The following KIAA0513 variants were observed in gnomAD, a reference collection of about 807,000 sequenced individuals.
KIAA0513 encodes the protein KIAA0513.
KIAA0513 carries 39 observed loss-of-function variants against 56.5 expected under a neutral mutation model. That is an observed-to-expected ratio of 0.69 (90% CI 0.53 to 0.90). The LOEUF (loss-of-function observed/expected upper bound fraction) is 0.90. Ranked by LOEUF, KIAA0513 falls within the 40% of genes least tolerant of loss-of-function variation. The pLI is 0.00. For missense variants in KIAA0513, 591 were observed against 535.2 expected, an observed-to-expected ratio of 1.10 and a Z score of -1.03; for synonymous variants, 268 against 215.6, an observed-to-expected ratio of 1.24 and a Z score of -2.13.
rs1401084043 is a variant in KIAA0513 at position 85,088,939 on chromosome 16, G to C, written c.*614G>C. 1 of 152,622 alleles carries C rather than the reference G, an allele frequency of 6.6e-6. No individual in the cohort carries two copies. The highest frequency in any genetic ancestry group is 1.5e-5 in the Non-Finnish European group (1 of 68,368). The allele number at this position is 152,622 out of a possible 1,614,324, so 9.5% of individuals were successfully genotyped here. A position where few individuals can be genotyped will look rare whatever the true frequency, so the allele number is the denominator to read the frequency against. On this transcript the variant is annotated 3_prime_UTR_variant, in exon 13 of 13. Coordinates refer to ENST00000683363, the MANE Select transcript of KIAA0513 (RefSeq NM_001388359.1). ...AGGGAGAGAGTGGGTGCGGTGTAGA[G>C]GATGCTCTTGGCCGGCTGGAGCAAG...
intron 2 of KIAA0513, among the ~76,000 whole-genome samples, chr16:85,067,918 C>T (rs994355781): frequency 2.0e-4 from 30 of 151,080 alleles, no homozygotes; most frequent in African/African-American, 6.8e-4. Flanking sequence ...TTAAGTGATT[C>T]TTCTGTCTCA....
intron 6 of KIAA0513, among the ~76,000 whole-genome samples, chr16:85,078,007 G>A (rs992388988): frequency 2.0e-5 from 3 of 152,160 alleles, no homozygotes; most frequent in African/African-American, 7.2e-5. Context: ...CCCCAGGAGA[G>A]CAGGGCTCTG....
At chr16:85,087,384 T>C (rs367714985) in intron 12 of KIAA0513, among the ~76,000 whole-genome samples, 1 of 152,268 alleles carries the variant, frequency 6.6e-6, no homozygotes, top group South Asian at 2.1e-4. Context: ...TTCTGCTAGA[T>C]GGGATTGCGG....
intron 10 of KIAA0513, among the ~76,000 whole-genome samples, 189 bp downstream of exon 10, chr16:85,082,782 C>T (rs1371929842): frequency 2.0e-5 from 3 of 152,192 alleles, no homozygotes; most frequent in South Asian, 2.1e-4. Flanking sequence ...GCTGGCAATG[C>T]GTCCCAGAAC....
intron 2 of KIAA0513, among the ~76,000 whole-genome samples, chr16:85,068,100 C>A (rs772801675): frequency 6.6e-6 from 1 of 152,052 alleles, no homozygotes; most frequent in African/African-American, 2.4e-5. Context: ...CGTTAGCCAC[C>A]GTACCCGGCT....
chr16:85,078,872 A>G, intron 7 of KIAA0513, 53 bp from the exon 8 acceptor site: 1 of 1,599,938 alleles, frequency 6.3e-7, no homozygotes, highest in Non-Finnish European at 8.6e-7. Flanking sequence ...GGGGTTTGCC[A>G]ACAGTGGGTG....
rs1020864150 is a variant in KIAA0513, at chr16:85,082,000, C to A, written c.981-564C>A. Among the ~76,000 whole-genome samples the A allele has an allele frequency of 1.3e-5, 2 of 152,232 alleles. No homozygotes were observed. Among genetic ancestry groups the A allele is most frequent in the Non-Finnish European group, 2.9e-5 (2 of 68,036 alleles). On this transcript the variant is annotated intron_variant, in intron 9 of 12. Transcript: ENST00000683363. The surrounding 1 kb of genome is among the most constrained non-coding windows in gnomAD (Gnocchi z 4.4). ...GAGGGACGGCAGCCCCTGGGGGAGC[C>A]CCTTCCAGTCATGTGACTGAAGTCT...
At chr16:85,058,728 C>G (rs72803600) in intron 1 of KIAA0513, among the ~76,000 whole-genome samples, 5,734 of 152,096 alleles carry the variant, frequency 0.038, 121 homozygotes, top group Non-Finnish European at 0.053. Context: ...TTCAACATCT[C>G]TTTACCTTTT....
chr16:85,067,177 G>A lies in KIAA0513; in HGVS notation c.106G>A (p.Gly36Ser), dbSNP rs1454322331. The change falls in exon 2 of 13, where the codon GGC (glycine) becomes AGC (serine). Residue 36 changes from glycine to serine, a missense_variant. By Grantham distance (56) the Gly-to-Ser change is moderately conservative. Coordinates refer to ENST00000683363, the MANE Select transcript of KIAA0513 (RefSeq NM_001388359.1). Reference sequence around the variant, plus strand: ...ACCCCCTGTGCTGCAGGACGGCGATGGCTCCCTGGGGGACGGTGCATCAGA... The same window carrying A: ...ACCCCCTGTGCTGCAGGACGGCGATAGCTCCCTGGGGGACGGTGCATCAGA... ...APPPVLQDGD[G>S]SLGDGASESE... The A allele has an allele frequency of 1.9e-6, 3 of 1,614,148 alleles. No individual in the cohort carries two copies. Among genetic ancestry groups the A allele is most frequent in the Non-Finnish European group, 1.7e-6 (2 of 1,180,020 alleles).
intron 12 of KIAA0513, among the ~76,000 whole-genome samples, chr16:85,087,562 A>G (rs1347194231): frequency 6.6e-6 from 1 of 152,156 alleles, no homozygotes; most frequent in African/African-American, 2.4e-5. Flanking sequence ...CATCATGAGT[A>G]TCGGGGGACA....
intron 2 of KIAA0513, among the ~76,000 whole-genome samples, chr16:85,068,500 T>G (rs1406548015): frequency 6.6e-6 from 1 of 151,532 alleles, no homozygotes; most frequent in African/African-American, 2.4e-5. Context: ...ACCCGGCTAG[T>G]TTTTTGTATT....
Position 85,081,038 on chromosome 16 carries a change from C to A in KIAA0513, c.903-277C>A, listed in dbSNP as rs2073736503. 1.3e-5 allele frequency among the ~76,000 whole-genome samples: 2 copies of A among 152,208 alleles called. No homozygotes were observed. The highest frequency in any genetic ancestry group is 4.1e-4 in the South Asian group (2 of 4,834). ...GTGGCTTCAACTTTGCCCGCCAGTGCCCTCCTGCCTGCAGCGCAGCCCGGG... is the reference window on the plus strand; with the variant it reads ...GTGGCTTCAACTTTGCCCGCCAGTGACCTCCTGCCTGCAGCGCAGCCCGGG... On this transcript the variant is annotated intron_variant, in intron 8 of 12. Transcript: ENST00000683363. This position sits in a 1 kb window ranked among gnomAD's most constrained non-coding sequence, Gnocchi z 4.4.
intron 1 of KIAA0513, among the ~76,000 whole-genome samples, chr16:85,036,498 CT>C (rs1201920031): frequency 1.3e-5 from 2 of 152,116 alleles, no homozygotes; most frequent in African/African-American, 2.4e-5. Flanking sequence ...TCCTTTGTTC[CT>C]TTTTAGTGTG....
At chr16:85,047,838 A>G (rs1016350146) in intron 1 of KIAA0513, among the ~76,000 whole-genome samples, 1 of 152,178 alleles carries the variant, frequency 6.6e-6, no homozygotes. Context: ...GGGACATGGC[A>G]AACTCACCGC....
intron 1 of KIAA0513, among the ~76,000 whole-genome samples, chr16:85,029,844 C>G (rs1301764271): frequency 6.6e-6 from 1 of 152,190 alleles, no homozygotes. Flanking sequence ...CTTGGCTGAT[C>G]TTCATTATAA....
intron 1 of KIAA0513, among the ~76,000 whole-genome samples, chr16:85,055,848 G>C (rs1199832061): frequency 6.6e-6 from 1 of 152,208 alleles, no homozygotes; most frequent in Admixed American, 6.5e-5. Flanking sequence ...TCATCAGTGT[G>C]ACAGCCGAGT....
intron 1 of KIAA0513, among the ~76,000 whole-genome samples, chr16:85,029,828 C>G (rs1360855876): frequency 6.6e-6 from 1 of 152,222 alleles, no homozygotes; most frequent in East Asian, 1.9e-4. Flanking sequence ...TTTTCCCATG[C>G]AGACTCTTGG....
At chr16:85,085,031 C>G (rs1479645758) in intron 10 of KIAA0513, among the ~76,000 whole-genome samples, 2 of 152,238 alleles carry the variant, frequency 1.3e-5, no homozygotes, top group Non-Finnish European at 2.9e-5. Flanking sequence ...GGGGTCAGGG[C>G]TGCTGTGCTG....
At chr16:85,082,701 C>T (rs939596956) in intron 10 of KIAA0513, 108 bp downstream of exon 10, 2 of 1,210,966 alleles carry the variant, frequency 1.7e-6, no homozygotes, top group Non-Finnish European at 1.2e-6. Flanking sequence ...CAGGCACAGC[C>T]CAGACGCAGG....
Sources: gnomAD v4.1 joint callset for allele counts (sites outside exome capture counted in the v4.1 genomes callset) on GRCh38, gnomAD v4.1.1 for gene constraint, Gnocchi (gnomAD v3.1) non-coding constraint, MANE v1.5 for transcripts, NCBI Gene and HGNC (gene_info 2026-07-23, HGNC 2026-07-21) for gene names.